PGM2: variants seen among roughly 807,000 people sequenced by gnomAD.
PGM2 encodes phosphoglucomutase 2, also known as phosphopentomutase.
A neutral mutation model predicts 74.6 loss-of-function variants in PGM2; 57 were observed. The ratio of observed to expected loss-of-function variants is 0.76; its 90% CI spans 0.62 to 0.95. The LOEUF (loss-of-function observed/expected upper bound fraction) is 0.95. PGM2 is among the 40% of genes least tolerant of loss of function. PGM2 has a pLI of 0.00. For missense variants in PGM2, 706 were observed against 741.9 expected (o/e 0.95, Z 0.56); for synonymous variants, 273 against 260.7 (o/e 1.05, Z -0.46).
In PGM2 at chr4:37,845,713, G is replaced by T. The variant is rs1309684776; in HGVS notation, c.990G>T (p.Val330=). The T allele has an allele frequency of 6.2e-7, 1 of 1,609,758 alleles. No individual in the cohort carries two copies. Among genetic ancestry groups the T allele is most frequent in the East Asian group, 2.2e-5 (1 of 44,868 alleles). The change falls in exon 8 of 14, where the codon GTG becomes GTT. Residue 330 remains valine (V), a synonymous_variant. Transcript: ENST00000381967. ...ACCCGGATGCTGATAGACTTGCTGT[G>T]GCAGAAAAGCAAGACAGGTAAAATT... ...ANDPDADRLA[V]AEKQDSGEWR...
At chr4:37,860,756 A>G (rs572302157) in intron 13 of PGM2, among the ~76,000 whole-genome samples, 52 of 152,306 alleles carry the variant, frequency 3.4e-4, no homozygotes, top group Non-Finnish European at 6.2e-4. Context: ...AGGCTACTTA[A>G]GATGCTGGAA....
chr4:37,852,061 C>A, intron 12 of PGM2, among the ~76,000 whole-genome samples: 1 of 149,088 alleles, frequency 6.7e-6, no homozygotes, highest in Non-Finnish European at 1.5e-5. Context: ...CTTTGACCTC[C>A]CAGGTTCAAG....
At chr4:37,849,284 C>T (rs1164880085) in intron 11 of PGM2, among the ~76,000 whole-genome samples, 1 of 151,982 alleles carries the variant, frequency 6.6e-6, no homozygotes. Flanking sequence ...TCTGCCTTGC[C>T]AGTGTAGTGC....
In PGM2 at chr4:37,847,000, G is replaced by A; in HGVS notation, c.1077G>A (p.Trp359Ter). 1 of 1,613,736 alleles carries A rather than the reference G, an allele frequency of 6.2e-7. No homozygotes were observed. The highest frequency in any genetic ancestry group is 8.5e-7 in the Non-Finnish European group (1 of 1,179,692). ...TGGGCTGGTGGCTTTTTACATCTTGGAAAGAGAAGAACCAGGATCGCAGTG... is the reference window on the plus strand; with the variant it reads ...TGGGCTGGTGGCTTTTTACATCTTGAAAAGAGAAGAACCAGGATCGCAGTG... The part of the protein sequence containing the change: ...ALLGWWLFTS[W>*]KEKNQDRSAL... Residue 359 changes from tryptophan (W) to a stop codon, truncating the protein, a stop_gained, in exon 9 of 14, where the codon TGG becomes TGA. Coordinates refer to ENST00000381967, the MANE Select transcript of PGM2 (RefSeq NM_018290.4). LOFTEE classifies it high-confidence loss of function.
intron 3 of PGM2, among the ~76,000 whole-genome samples, chr4:37,834,975 T>C (rs1454471784): frequency 2.0e-5 from 3 of 152,186 alleles, no homozygotes; most frequent in Non-Finnish European, 2.9e-5. Context: ...GGCAATATTA[T>C]TTTTCCCTCT....
chr4:37,839,953 A>G, intron 5 of PGM2, 22 bp downstream of exon 5: 1 of 1,507,288 alleles, frequency 6.6e-7, no homozygotes, highest in Non-Finnish European at 9.2e-7. Context: ...TTTCTACTCC[A>G]CACGTACATC....
At position 37,830,022 on chromosome 4, in the gene PGM2, T is replaced by G. The variant is rs1437435784; in HGVS notation, c.140T>G (p.Leu47Arg). The change falls in exon 2 of 14, where the codon CTA (leucine) becomes CGA (arginine). Residue 47 changes from leucine to arginine, a missense_variant. Physicochemically the swap from Leu to Arg is moderately radical, Grantham distance 102 (BLOSUM62 -2). Around this residue, in one of 3 missense-constraint regions of PGM2, gnomAD observed 332 missense variants for 334.9 expected, o/e 0.99. Coordinates refer to ENST00000381967, the MANE Select transcript of PGM2 (RefSeq NM_018290.4). ...ATAGCAGAAGGTAATAAAGAAGAAC[T>G]ACGAAAATGTTTTGGGGCCCGAATG... ...RLIAEGNKEE[L>R]RKCFGARMEF... 1 of 1,608,228 alleles carries G rather than the reference T, an allele frequency of 6.2e-7. No homozygotes were observed. Among genetic ancestry groups the G allele is most frequent in the Non-Finnish European group, 8.5e-7 (1 of 1,177,492 alleles).
rs143836434 is a variant in PGM2 at position 37,828,495 on chromosome 4, G to A, written c.82-1469G>A. Reference sequence around the variant, plus strand: ...GCAGCCCTCTAGTCAGACTACCCCCGGCGACTGGCAAGGCGCCCTGGCAGG... The same window carrying A: ...GCAGCCCTCTAGTCAGACTACCCCCAGCGACTGGCAAGGCGCCCTGGCAGG... On this transcript the variant is annotated intron_variant, in intron 1 of 13. Transcript: ENST00000381967. 2.1e-3 allele frequency among the ~76,000 whole-genome samples: 327 copies of A among 152,116 alleles called. 1 individual carries two copies. Among genetic ancestry groups the A allele is most frequent in the Non-Finnish European group, 2.8e-3 (188 of 68,004 alleles).
At chr4:37,832,540 CAG>C (rs776383587) in intron 2 of PGM2, among the ~76,000 whole-genome samples, 2 of 152,168 alleles carry the variant, frequency 1.3e-5, no homozygotes, top group Non-Finnish European at 2.9e-5. Flanking sequence ...GGAAACAGGA[CAG>C]AGACTGGAGG....
rs1383442906 is a variant in PGM2, at chr4:37,847,495, T to C, written c.1282+200T>C. 18 of 528,618 alleles carry C rather than the reference T, an allele frequency of 3.4e-5. No individual in the cohort carries two copies. In the Admixed American group the frequency reaches 4.0e-4, roughly 12 times the overall value. The allele number at this position is 528,618 out of a possible 1,614,324, so 32.7% of individuals were successfully genotyped here. ...GAATGTCTTAAAAACAACTAAGTCA[T>C]TCATGTCAGAATCCTTTGCCTGGAT... On this transcript the variant is annotated intron_variant, in intron 10 of 13. Coordinates refer to ENST00000381967, the MANE Select transcript of PGM2 (RefSeq NM_018290.4).
intron 13 of PGM2, among the ~76,000 whole-genome samples, chr4:37,859,107 G>A (rs912365633): frequency 6.6e-6 from 1 of 152,124 alleles, no homozygotes. Flanking sequence ...AATCCAGACT[G>A]AGCAATTGCT....
intron 5 of PGM2, 54 bp from the exon 6 acceptor site, chr4:37,840,012 G>A: frequency 6.5e-7 from 1 of 1,536,544 alleles, no homozygotes; most frequent in Non-Finnish European, 9.0e-7. Context: ...TAGGTAATAG[G>A]TGCCTTATTT....
intron 2 of PGM2, 61 bp downstream of exon 2, chr4:37,830,192 G>T: frequency 1.7e-6 from 2 of 1,210,282 alleles, no homozygotes; most frequent in Non-Finnish European, 2.2e-6. Context: ...TTTCTATTTG[G>T]CAGACCTAAT....
chr4:37,838,894 T>A (rs949187909), intron 4 of PGM2, among the ~76,000 whole-genome samples: 1 of 152,150 alleles, frequency 6.6e-6, no homozygotes, highest in Non-Finnish European at 1.5e-5. Context: ...GTTCAATGAC[T>A]GCAGTGATTC....
intron 6 of PGM2, among the ~76,000 whole-genome samples, chr4:37,840,735 T>A (rs184680828): frequency 2.6e-5 from 4 of 152,218 alleles, no homozygotes; most frequent in Non-Finnish European, 4.4e-5. Context: ...AAACTTTTCT[T>A]AAAGGGACAG....
intron 12 of PGM2, among the ~76,000 whole-genome samples, chr4:37,854,642 G>A (rs1372599774): frequency 1.3e-5 from 2 of 151,322 alleles, no homozygotes; most frequent in African/African-American, 4.9e-5. Context: ...ACAGGCATGA[G>A]CCACCGCGCC....
chr4:37,860,132 T>C (rs1313715356), intron 13 of PGM2, among the ~76,000 whole-genome samples: 2 of 152,198 alleles, frequency 1.3e-5, no homozygotes, highest in Non-Finnish European at 2.9e-5. Flanking sequence ...AAGAAATAAA[T>C]TTGAATAATA....
In PGM2 at chr4:37,834,609, T is replaced by C. The variant is rs749586400; in HGVS notation, c.250-9T>C. 1.2e-5 allele frequency: 16 copies of C among 1,303,192 alleles called. No homozygotes were observed. Among genetic ancestry groups the C allele is most frequent in the Non-Finnish European group, 1.8e-5 (16 of 904,310 alleles). 80.7% of individuals were successfully genotyped at this position (1,303,192 alleles called of 1,614,324 possible). A position where few individuals can be genotyped will look rare whatever the true frequency, so the allele number is the denominator to read the frequency against. On this transcript the variant is annotated splice_polypyrimidine_tract_variant and intron_variant, in intron 2 of 13. Coordinates refer to ENST00000381967, the MANE Select transcript of PGM2 (RefSeq NM_018290.4). ...AAACATACTTTTTAAATCTATGGTG[T>C]ATTTGTAGGGATTTTGCAGATACCT...
intron 1 of PGM2, among the ~76,000 whole-genome samples, chr4:37,827,518 C>G (rs1014252111): frequency 6.6e-6 from 1 of 152,014 alleles, no homozygotes; most frequent in Non-Finnish European, 1.5e-5. Flanking sequence ...CTCGGAATGT[C>G]CCTCGCTGCT....
Sources: allele counts gnomAD v4.1 joint callset (sites outside exome capture counted in the v4.1 genomes callset), GRCh38; gene constraint gnomAD v4.1.1; regional missense constraint gnomAD v4.1.1; transcripts MANE v1.5; gene names NCBI Gene and HGNC (gene_info 2026-07-23, HGNC 2026-07-21).